The following DNAH5 variants were observed in gnomAD, a reference collection of about 807,000 sequenced individuals.
The protein encoded by DNAH5 is axonemal beta dynein heavy chain 5.
In DNAH5, 372 loss-of-function variants were observed where a neutral mutation model predicts 518.2. That is an observed-to-expected ratio of 0.72 (90% CI 0.66 to 0.78). DNAH5 has a LOEUF of 0.78. Among genes scored for constraint, DNAH5 ranks in the 30% least tolerant of loss-of-function variants. DNAH5 has a pLI of 0.00. For missense variants in DNAH5, 5,523 were observed against 5,687.0 expected, an observed-to-expected ratio of 0.97 and a Z score of 0.93; for synonymous variants, 2,039 against 2,025.9, an observed-to-expected ratio of 1.01 and a Z score of -0.17.
rs147679505 is a variant in DNAH5, at chr5:13,836,434, G to A, written c.5882+2922C>T. On this transcript the variant is annotated intron_variant, in intron 35 of 78. Transcript: ENST00000265104. ...CAGAAACATGAAGAGGAACGAGTAG[G>A]AGCAGGTACAAAGGGACATCCAGAC... Among the ~76,000 whole-genome samples the A allele has an allele frequency of 2.4e-4, 36 of 152,288 alleles. No individual in the cohort carries two copies. The East Asian group carries it at 6.8e-3, about 29-fold the overall frequency.
intron 33 of DNAH5, 66 bp from the exon 34 acceptor site, chr5:13,841,196 A>C: frequency 1.6e-6 from 2 of 1,266,328 alleles, no homozygotes; most frequent in Non-Finnish European, 2.3e-6. Context: ...TAGAAATACA[A>C]TGTGATCAAC....
At chr5:13,818,676 C>T (rs921443446) in intron 41 of DNAH5, among the ~76,000 whole-genome samples, 7 of 152,306 alleles carry the variant, frequency 4.6e-5, no homozygotes, top group Admixed American at 6.5e-5. Context: ...CTTGTCCAAA[C>T]CTTCCTTATA....
chr5:13,900,024 T>C (rs539575867), intron 15 of DNAH5, 182 bp downstream of exon 15: 7 of 608,512 alleles, frequency 1.2e-5, no homozygotes, highest in South Asian at 4.1e-5. Flanking sequence ...CATCTTGGCC[T>C]GCAAGACCTG....
intron 1 of DNAH5, among the ~76,000 whole-genome samples, chr5:13,997,144 C>T (rs1784021748): frequency 6.6e-6 from 1 of 152,224 alleles, no homozygotes; most frequent in Non-Finnish European, 1.5e-5. Flanking sequence ...ATGGTGTTCT[C>T]TCCTGAACAT....
chr5:13,774,185 C>T (rs1753747661), intron 55 of DNAH5, among the ~76,000 whole-genome samples: 1 of 152,024 alleles, frequency 6.6e-6, no homozygotes. Context: ...CATTAGAAAG[C>T]TATTTGGGTT....
At chr5:13,739,701 C>T (rs560772828) in intron 65 of DNAH5, among the ~76,000 whole-genome samples, 34 of 152,172 alleles carry the variant, frequency 2.2e-4, no homozygotes, top group Admixed American at 8.5e-4. Flanking sequence ...TGTTATGATC[C>T]GGTATGCACA....
chr5:13,986,155 G>A lies in DNAH5; in HGVS notation c.12+25493C>T, dbSNP rs530304464. Among the ~76,000 whole-genome samples the A allele has an allele frequency of 9.2e-5, 14 of 152,312 alleles. No homozygotes were observed. In the East Asian group the frequency reaches 1.4e-3, roughly 15 times the overall value. On this transcript the variant is annotated intron_variant, in intron 1 of 78. Transcript: ENST00000681290. ...AGTCTTAGGGTCTCCTGCCGGAGGC[G>A]GAGGGGATGAGGGGAAATGCATTGC...
intron 1 of DNAH5, among the ~76,000 whole-genome samples, chr5:14,005,795 G>A (rs552840613): frequency 1.9e-4 from 29 of 152,306 alleles, no homozygotes; most frequent in African/African-American, 6.5e-4. Flanking sequence ...TAATTTTCTA[G>A]CATGGAAAAG....
intron 71 of DNAH5, among the ~76,000 whole-genome samples, chr5:13,720,466 TCTAC>T (rs1273481176): frequency 6.6e-6 from 1 of 152,202 alleles, no homozygotes; most frequent in Non-Finnish European, 1.5e-5. Flanking sequence ...GACTGCAGCC[TCTAC>T]CTTCCCAGAT....
chr5:13,695,048 G>T (rs906155872), intron 78 of DNAH5, among the ~76,000 whole-genome samples: 2 of 152,200 alleles, frequency 1.3e-5, no homozygotes, highest in Non-Finnish European at 2.9e-5. Context: ...AGTCAGAATG[G>T]ATCCGTGGCC....
chr5:13,870,839 C>T lies in DNAH5; in HGVS notation c.3762G>A (p.Arg1254=), dbSNP rs2151918612. ...TTTCTTTCAGCGCTGCCATTGCAATCCGAATATCATCTAGGTCCTTAATTG... is the reference window on the plus strand; with the variant it reads ...TTTCTTTCAGCGCTGCCATTGCAATTCGAATATCATCTAGGTCCTTAATTG... ...NRPIKDLDDI[R]IAMAALKEIR... The change falls in exon 24 of 79, where the codon CGG becomes CGA. Residue 1254 remains arginine (R), a synonymous_variant. Transcript: ENST00000265104. 6.2e-7 allele frequency: 1 copy of T among 1,613,860 alleles called. No individual in the cohort carries two copies. The highest frequency in any genetic ancestry group is 8.5e-7 in the Non-Finnish European group (1 of 1,179,836).
chr5:13,841,201 A>G, intron 33 of DNAH5, 71 bp from the exon 34 acceptor site: 1 of 1,213,854 alleles, frequency 8.2e-7, no homozygotes, highest in Non-Finnish European at 1.2e-6. Context: ...ATACAATGTG[A>G]TCAACAGCTG....
chr5:13,845,768 AT>A (rs889887177), intron 31 of DNAH5, among the ~76,000 whole-genome samples: 3 of 47,284 alleles, frequency 6.3e-5, no homozygotes, highest in Non-Finnish European at 1.2e-4. Context: ...TTTAATTTTT[AT>A]TTTTTTTAAT....
At chr5:13,927,381 A>G (rs1317261077) in intron 3 of DNAH5, among the ~76,000 whole-genome samples, 1 of 152,112 alleles carries the variant, frequency 6.6e-6, no homozygotes, top group East Asian at 1.9e-4. Flanking sequence ...AGTCCCAGCT[A>G]CAGGCTGGGA....
chr5:13,737,031 A>T (rs1747579197), intron 66 of DNAH5, among the ~76,000 whole-genome samples: 1 of 152,174 alleles, frequency 6.6e-6, no homozygotes, highest in Non-Finnish European at 1.5e-5. Context: ...ACCTTAAAGG[A>T]TTTACCAACT....
intron 55 of DNAH5, among the ~76,000 whole-genome samples, chr5:13,775,735 G>A (rs984971288): frequency 2.6e-5 from 4 of 152,120 alleles, no homozygotes; most frequent in African/African-American, 9.7e-5. Context: ...GGAGTAAGAG[G>A]ATGAGACTCC....
intron 2 of DNAH5, among the ~76,000 whole-genome samples, chr5:13,929,870 G>A (rs1330972316): frequency 6.6e-6 from 1 of 152,148 alleles, no homozygotes; most frequent in Non-Finnish European, 1.5e-5. Flanking sequence ...TTGGGAAGCA[G>A]GGTGGAGTTA....
At chr5:13,858,937 G>A (rs1363263220) in intron 30 of DNAH5, among the ~76,000 whole-genome samples, 4 of 152,148 alleles carry the variant, frequency 2.6e-5, no homozygotes, top group Non-Finnish European at 5.9e-5. Context: ...CCAGTAAGAT[G>A]ATTACGATTT....
chr5:13,758,856 G>A lies in DNAH5; in HGVS notation c.10409C>T (p.Thr3470Ile), dbSNP rs1751382885. Residue 3470 changes from threonine (T) to isoleucine (I), a missense_variant, in exon 61 of 79, where the codon ACT becomes ATT. Transcript: ENST00000265104. The stretch of plus-strand genomic sequence containing the variant: ...ACAAAGGGCAGTTACCTGCTTTTCA[G>A]TCATGGCCTGTTCATACTCAGCCTG... The part of the protein sequence containing the change: ...VVQAEYEQAM[T>I]EKQTLLEDAE... 3.7e-6 allele frequency: 6 copies of A among 1,614,038 alleles called. No homozygotes were observed. Among genetic ancestry groups the A allele is most frequent in the Admixed American group, 1.7e-5 (1 of 60,004 alleles).
Sources: allele counts gnomAD v4.1 joint callset (sites outside exome capture counted in the v4.1 genomes callset), GRCh38; gene constraint gnomAD v4.1.1; transcripts MANE v1.5; gene names NCBI Gene and HGNC (gene_info 2026-07-23, HGNC 2026-07-21).